The following NNT variants were observed in gnomAD, a reference collection of about 807,000 sequenced individuals.
The protein encoded by NNT is nicotinamide nucleotide transhydrogenase.
A neutral mutation model predicts 104.8 loss-of-function variants in NNT; 50 were observed. The observed-to-expected ratio is 0.48, with a 90% CI of 0.38 to 0.60. The LOEUF (loss-of-function observed/expected upper bound fraction) is 0.60, where lower values mean the gene tolerates loss of function less well. Among genes scored for constraint, NNT ranks in the 20% least tolerant of loss-of-function variants. The pLI is 0.00. For missense variants in NNT, 1,131 were observed against 1,330.7 expected (o/e 0.85, Z 2.33); for synonymous variants, 461 against 490.4 (o/e 0.94, Z 0.79).
chr5:43,646,430 C>T (rs1293080390), intron 10 of NNT, among the ~76,000 whole-genome samples: 1 of 151,318 alleles, frequency 6.6e-6, no homozygotes, highest in African/African-American at 2.4e-5. Context: ...GCTGGGACTA[C>T]AGGCGCATGC....
chr5:43,610,822 A>G (rs1053017873), intron 2 of NNT, among the ~76,000 whole-genome samples: 10 of 152,230 alleles, frequency 6.6e-5, no homozygotes, highest in African/African-American at 2.4e-4. Context: ...TGAAGACATG[A>G]AAACTGTCCT....
intron 19 of NNT, among the ~76,000 whole-genome samples, chr5:43,678,061 G>C (rs1741513997): frequency 1.3e-5 from 2 of 152,148 alleles, no homozygotes; most frequent in Admixed American, 6.5e-5. Flanking sequence ...TTAAATAGTA[G>C]AGAAAGGAAA....
At chr5:43,609,072 A>G in intron 1 of NNT, 71 bp from the exon 2 acceptor site, 1 of 681,638 alleles carries the variant, frequency 1.5e-6, no homozygotes, top group Non-Finnish European at 2.4e-6. Context: ...TATTTTTAAA[A>G]TGTTTTTCAT....
intron 19 of NNT, among the ~76,000 whole-genome samples, chr5:43,698,001 G>A (rs1463481087): frequency 6.6e-6 from 1 of 151,984 alleles, no homozygotes; most frequent in Admixed American, 6.6e-5. Flanking sequence ...AAATGAAAGA[G>A]GTTGTAGATT....
At chr5:43,678,240 C>A (rs974998445) in intron 19 of NNT, among the ~76,000 whole-genome samples, 2 of 152,216 alleles carry the variant, frequency 1.3e-5, no homozygotes, top group African/African-American at 4.8e-5. Context: ...AGAAGAAAAT[C>A]TGTGGATAAG....
intron 1 of NNT, among the ~76,000 whole-genome samples, chr5:43,606,439 A>G (rs1165783844): frequency 6.6e-6 from 1 of 152,180 alleles, no homozygotes; most frequent in Non-Finnish European, 1.5e-5. Context: ...AGCCATGATA[A>G]CTCTAGATGT....
chr5:43,688,810 G>A (rs758829253), intron 19 of NNT, among the ~76,000 whole-genome samples: 6 of 152,134 alleles, frequency 3.9e-5, no homozygotes, highest in Non-Finnish European at 8.8e-5. Flanking sequence ...GGGCATTTGG[G>A]CTGGTTCCAT....
At chr5:43,702,991 G>A (rs7718532) in intron 21 of NNT, among the ~76,000 whole-genome samples, 2,179 of 152,238 alleles carry the variant, frequency 0.014, 44 homozygotes, top group African/African-American at 0.045. Flanking sequence ...TGTAACCACA[G>A]CTGAAAAAAG....
At chr5:43,703,406 T>A (rs981717900) in intron 21 of NNT, among the ~76,000 whole-genome samples, 1 of 152,212 alleles carries the variant, frequency 6.6e-6, no homozygotes, top group Non-Finnish European at 1.5e-5. Context: ...ATATTGGAGT[T>A]TAAAACTTAA....
intron 19 of NNT, among the ~76,000 whole-genome samples, chr5:43,685,443 C>T (rs951792012): frequency 6.6e-6 from 1 of 151,930 alleles, no homozygotes; most frequent in Admixed American, 6.6e-5. Context: ...CATGGTGACT[C>T]ACAAAACATG....
intron 17 of NNT, among the ~76,000 whole-genome samples, chr5:43,660,216 T>C (rs1007815716): frequency 1.3e-5 from 2 of 152,228 alleles, no homozygotes; most frequent in Non-Finnish European, 1.5e-5. Context: ...ATTATACTTA[T>C]AGCCATGTTT....
In NNT at chr5:43,619,130, C is replaced by A. The variant is rs750521702; in HGVS notation, c.687+11C>A. Reference sequence around the variant, plus strand: ...GTTCCTCCAGCTAAGGTAGGTACAACTTTTAATGTTTCTTTATAATATGCA... The same window carrying A: ...GTTCCTCCAGCTAAGGTAGGTACAAATTTTAATGTTTCTTTATAATATGCA... On this transcript the variant is annotated intron_variant, in intron 5 of 21. Coordinates refer to ENST00000344920, the MANE Select transcript of NNT (RefSeq NM_182977.3). 96 of 1,482,716 alleles carry A rather than the reference C, an allele frequency of 6.5e-5. No homozygotes were observed. The highest frequency in any genetic ancestry group is 1.8e-4 in the Middle Eastern group (1 of 5,582). 91.8% of individuals were successfully genotyped at this position (1,482,716 alleles called of 1,614,324 possible). A position where few individuals can be genotyped will look rare whatever the true frequency, so the allele number is the denominator to read the frequency against.
chr5:43,659,158 ATTGT>A lies in NNT; in HGVS notation c.2455-11_2455-8del, dbSNP rs1740216640. 6.5e-7 allele frequency: 1 copy of A among 1,542,322 alleles called. No individual in the cohort carries two copies. Among genetic ancestry groups the A allele is most frequent in the Non-Finnish European group, 8.7e-7 (1 of 1,142,992 alleles). ...GTTATTAATTTTGAGTTCTGATTTG[ATTGT>A]TGTTCTAGGGTGTGACTTTGACAGC... On this transcript the variant is annotated splice_polypyrimidine_tract_variant and intron_variant, in intron 16 of 21. Coordinates refer to ENST00000344920, the MANE Select transcript of NNT (RefSeq NM_182977.3).
At chr5:43,659,688 C>G (rs966462360) in intron 17 of NNT, among the ~76,000 whole-genome samples, 1 of 151,936 alleles carries the variant, frequency 6.6e-6, no homozygotes, top group Non-Finnish European at 1.5e-5. Context: ...GATCATGCCA[C>G]TGTACTCCAG....
chr5:43,628,439 T>TTA (rs1750485027), intron 7 of NNT, 52 bp downstream of exon 7: 11 of 1,334,526 alleles, frequency 8.2e-6, no homozygotes, highest in Non-Finnish European at 9.1e-6. Context: ...TCTTTTTTTT[T>TTA]AAAAAAAAGC....
chr5:43,658,860 G>T (rs1007487851), intron 16 of NNT, among the ~76,000 whole-genome samples: 1 of 152,102 alleles, frequency 6.6e-6, no homozygotes, highest in South Asian at 2.1e-4. Context: ...CATAAAAACT[G>T]GGAAATTCAC....
chr5:43,700,332 A>T lies in NNT; in HGVS notation c.2995+95A>T, dbSNP rs1742784697. The stretch of plus-strand genomic sequence containing the variant: ...TGAATTGTAGATTCAGTGAAGACTG[A>T]CTAGTCAGATGAAAAAGAACTTGTA... On this transcript the variant is annotated intron_variant, in intron 20 of 21. Transcript: ENST00000344920. The T allele has an allele frequency of 7.5e-6, 6 of 799,066 alleles. No individual in the cohort carries two copies. The East Asian group carries it at 1.6e-4, about 21-fold the overall frequency. 49.5% of individuals were successfully genotyped at this position (799,066 alleles called of 1,614,324 possible).
At chr5:43,648,248 A>G (rs1739556782) in intron 10 of NNT, 1 of 1,032,076 alleles carries the variant, frequency 9.7e-7, no homozygotes, top group South Asian at 3.6e-5. Flanking sequence ...GTCAATCCCT[A>G]GATATTCCAG....
At chr5:43,607,976 G>C (rs989284723) in intron 1 of NNT, among the ~76,000 whole-genome samples, 17 of 151,852 alleles carry the variant, frequency 1.1e-4, no homozygotes, top group African/African-American at 3.1e-4. Flanking sequence ...TGTCACCCAG[G>C]CTGGAGTGCA....
Sources: gnomAD v4.1 joint callset for allele counts (sites outside exome capture counted in the v4.1 genomes callset) on GRCh38, gnomAD v4.1.1 for gene constraint, MANE v1.5 for transcripts, NCBI Gene and HGNC (gene_info 2026-07-23, HGNC 2026-07-21) for gene names.